The following TMEM108 variants were observed in gnomAD, a reference collection of about 807,000 sequenced individuals.
The protein encoded by TMEM108 is cancer/testis antigen 124.
A neutral mutation model predicts 35.1 loss-of-function variants in TMEM108; 12 were observed. That is an observed-to-expected ratio of 0.34 (90% confidence interval 0.22 to 0.55). The LOEUF (loss-of-function observed/expected upper bound fraction) is 0.55. Among genes scored for constraint, TMEM108 ranks in the 20% least tolerant of loss-of-function variants. The probability of loss-of-function intolerance (pLI) is 0.89; values close to 1 mark genes in which losing one functional copy is unlikely to be tolerated. For synonymous variants in TMEM108, 287 were observed against 308.6 expected (o/e 0.93, Z 0.73); for missense variants, 680 against 753.3 (o/e 0.90, Z 1.14).
intron 3 of TMEM108, among the ~76,000 whole-genome samples, chr3:133,278,348 T>C (rs951572884): frequency 4.6e-5 from 7 of 152,242 alleles, no homozygotes; most frequent in African/African-American, 1.7e-4. Context: ...ATTTGTAAAA[T>C]GGGGACACTG....
At chr3:133,080,986 G>A (rs1012651399) in intron 2 of TMEM108, among the ~76,000 whole-genome samples, 3 of 152,064 alleles carry the variant, frequency 2.0e-5, no homozygotes, top group Non-Finnish European at 2.9e-5. Flanking sequence ...ACTTTAAGCT[G>A]ACCAGATGGG....
chr3:133,355,611 G>C (rs2072140175), intron 3 of TMEM108, among the ~76,000 whole-genome samples: 1 of 152,216 alleles, frequency 6.6e-6, no homozygotes, highest in Non-Finnish European at 1.5e-5. Flanking sequence ...ATCATTGTGA[G>C]AATGGTCTCC....
At chr3:133,160,868 A>G (rs6784028) in intron 2 of TMEM108, among the ~76,000 whole-genome samples, 103,977 of 151,976 alleles carry the variant, frequency 0.68, 35,983 homozygotes, top group African/African-American at 0.76. Flanking sequence ...GGTGGTTTAA[A>G]GATTTGATGC....
At chr3:133,163,837 A>T (rs1944996681) in intron 2 of TMEM108, among the ~76,000 whole-genome samples, 1 of 152,150 alleles carries the variant, frequency 6.6e-6, no homozygotes, top group Non-Finnish European at 1.5e-5. Context: ...CTCCCTCTGC[A>T]TTGAAATCAT....
At chr3:133,073,510 C>CTCTCTCTCTCTCTATATATATATA in intron 2 of TMEM108, among the ~76,000 whole-genome samples, 23 of 43,884 alleles carry the variant, frequency 5.2e-4, no homozygotes, top group African/African-American at 1.1e-3. Context: ...CTCTCTCTCT[C>CTCTCTCTCTCTCTATATATATATA]TATATATATA....
chr3:133,292,911 G>C (rs1407298174), intron 3 of TMEM108, among the ~76,000 whole-genome samples: 1 of 152,128 alleles, frequency 6.6e-6, no homozygotes, highest in East Asian at 1.9e-4. Flanking sequence ...ACATTCTCTA[G>C]GTCATAGTTT....
chr3:133,377,376 C>A (rs990868491), intron 3 of TMEM108, among the ~76,000 whole-genome samples: 1 of 152,146 alleles, frequency 6.6e-6, no homozygotes, highest in African/African-American at 2.4e-5. Flanking sequence ...GATAGGGGCA[C>A]CAGAATAACC....
chr3:133,288,770 T>G (rs1234402468), intron 3 of TMEM108, among the ~76,000 whole-genome samples: 3 of 152,192 alleles, frequency 2.0e-5, no homozygotes, highest in Admixed American at 2.0e-4. Flanking sequence ...GATGGAATCT[T>G]GCTCTGTCAT....
intron 3 of TMEM108, among the ~76,000 whole-genome samples, chr3:133,359,517 G>A (rs749739492): frequency 1.3e-5 from 2 of 152,112 alleles, no homozygotes; most frequent in Non-Finnish European, 2.9e-5. Context: ...AAGTAGGAGA[G>A]GGAAAATGTA....
chr3:133,138,144 G>C (rs1179240801), intron 2 of TMEM108, among the ~76,000 whole-genome samples: 7 of 152,146 alleles, frequency 4.6e-5, no homozygotes, highest in Non-Finnish European at 8.8e-5. Flanking sequence ...TTTTAGCCAG[G>C]TTGTCACCCA....
intron 2 of TMEM108, among the ~76,000 whole-genome samples, chr3:133,109,633 T>C (rs1944201931): frequency 6.6e-6 from 1 of 152,166 alleles, no homozygotes; most frequent in Admixed American, 6.5e-5. Flanking sequence ...TTTTCCAAGG[T>C]TTTTGTGTAA....
At chr3:133,194,050 CCT>C (rs934874986) in intron 2 of TMEM108, among the ~76,000 whole-genome samples, 27 of 151,696 alleles carry the variant, frequency 1.8e-4, no homozygotes, top group African/African-American at 6.5e-4. Flanking sequence ...GATCATCCTG[CCT>C]CAGTCTCCTG....
intron 2 of TMEM108, among the ~76,000 whole-genome samples, chr3:133,111,966 T>A (rs1037487929): frequency 1.3e-5 from 2 of 152,212 alleles, no homozygotes; most frequent in Non-Finnish European, 2.9e-5. Context: ...GACACTTTCA[T>A]CTGTTGGAAA....
At chr3:133,254,738 C>A (rs948110060) in intron 3 of TMEM108, among the ~76,000 whole-genome samples, 1 of 152,172 alleles carries the variant, frequency 6.6e-6, no homozygotes, top group Admixed American at 6.5e-5. Context: ...TTACCCCAGA[C>A]CTTCGTGGCA....
rs920520974 is a variant in TMEM108 at position 133,324,807 on chromosome 3, G to T, written c.41-54945G>T. ...CCTGGCCAAAATGGTAAAACCCTGT[G>T]TCTACTAAAAATACAAAAATTAGCT... On this transcript the variant is annotated intron_variant, in intron 3 of 5. Transcript: ENST00000321871. 2.0e-5 allele frequency among the ~76,000 whole-genome samples: 3 copies of T among 152,120 alleles called. No homozygotes were observed. The East Asian group carries it at 5.8e-4, about 29-fold the overall frequency.
At chr3:133,364,582 A>G (rs1422086000) in intron 3 of TMEM108, among the ~76,000 whole-genome samples, 4 of 152,208 alleles carry the variant, frequency 2.6e-5, no homozygotes, top group African/African-American at 7.2e-5. Flanking sequence ...CATCTATTAG[A>G]GTGGCAGTCA....
chr3:133,140,272 G>C (rs574244486), intron 2 of TMEM108, among the ~76,000 whole-genome samples: 59 of 152,018 alleles, frequency 3.9e-4, no homozygotes, highest in Non-Finnish European at 7.5e-4. Flanking sequence ...TTAGTGCATA[G>C]ACATTATAGT....
intron 2 of TMEM108, among the ~76,000 whole-genome samples, chr3:133,180,763 A>G (rs1945325272): frequency 6.6e-6 from 1 of 152,110 alleles, no homozygotes; most frequent in South Asian, 2.1e-4. Context: ...GTTGGAGCCC[A>G]GAATTCAACA....
At chr3:133,052,338 T>C (rs1463154414) in intron 2 of TMEM108, among the ~76,000 whole-genome samples, 1 of 152,142 alleles carries the variant, frequency 6.6e-6, no homozygotes, top group African/African-American at 2.4e-5. Context: ...TCTAGTATCC[T>C]GCAACCTTGT....
Sources: gnomAD v4.1 joint callset for allele counts (sites outside exome capture counted in the v4.1 genomes callset) on GRCh38, gnomAD v4.1.1 for gene constraint, MANE v1.5 for transcripts, NCBI Gene and HGNC (gene_info 2026-07-23, HGNC 2026-07-21) for gene names.